Variants in ELF1 observed in about 807,000 individuals in gnomAD.
ELF1 encodes E74 like ETS transcription factor 1.
A neutral mutation model predicts 59.9 loss-of-function variants in ELF1; 24 were observed. The ratio of observed to expected loss-of-function variants is 0.40; its 90% CI spans 0.29 to 0.56. ELF1 has a LOEUF of 0.56. ELF1 is among the 20% of genes least tolerant of loss of function. The pLI is 0.44. For synonymous variants in ELF1, 248 were observed against 266.2 expected, an observed-to-expected ratio of 0.93 and a Z score of 0.67; for missense variants, 627 against 742.2, an observed-to-expected ratio of 0.84 and a Z score of 1.80.
At chr13:41,051,791 T>C (rs567883629) in intron 1 of ELF1, among the ~76,000 whole-genome samples, 2 of 152,240 alleles carry the variant, frequency 1.3e-5, no homozygotes, top group South Asian at 2.1e-4. Flanking sequence ...AAGTCAAAGG[T>C]GTGTATTCAA....
chr13:40,969,689 C>T (rs747142468), intron 2 of ELF1, among the ~76,000 whole-genome samples: 3 of 152,038 alleles, frequency 2.0e-5, no homozygotes, highest in Non-Finnish European at 2.9e-5. Context: ...CTCTCTGAAC[C>T]GAAACTGTTT....
chr13:41,054,541 G>A (rs982016502), intron 1 of ELF1, among the ~76,000 whole-genome samples: 3 of 152,200 alleles, frequency 2.0e-5, no homozygotes, highest in Non-Finnish European at 4.4e-5. Context: ...CTGCCAGTCC[G>A]CTGCAATAAA....
intron 1 of ELF1, among the ~76,000 whole-genome samples, chr13:40,988,708 G>A (rs1873682987): frequency 6.6e-6 from 1 of 152,106 alleles, no homozygotes; most frequent in South Asian, 2.1e-4. Flanking sequence ...AAAGTAAAAA[G>A]GAAACATGTA....
intron 1 of ELF1, among the ~76,000 whole-genome samples, chr13:41,008,279 C>A (rs1874862495): frequency 6.6e-6 from 1 of 152,052 alleles, no homozygotes; most frequent in African/African-American, 2.4e-5. Flanking sequence ...CTTAAAAGAA[C>A]TAATTATTAT....
chr13:40,975,962 T>A (rs1035668418), intron 2 of ELF1, among the ~76,000 whole-genome samples: 1 of 152,036 alleles, frequency 6.6e-6, no homozygotes, highest in Non-Finnish European at 1.5e-5. Context: ...TTTGAAAAAA[T>A]TAGTAATGTG....
intron 1 of ELF1, among the ~76,000 whole-genome samples, chr13:41,060,198 C>A (rs868660773): frequency 6.6e-6 from 1 of 152,170 alleles, no homozygotes; most frequent in African/African-American, 2.4e-5. Context: ...GCGCGTCCCC[C>A]CGGGAGGGCG....
rs570708672 is a variant in ELF1 at position 41,060,331 on chromosome 13, AG to A, written c.-229+506del. The stretch of plus-strand genomic sequence containing the variant: ...GCAGGGGGGTCAGCCCGTCCTGCAT[AG>A]GAAGAGTCGCAAGAGCGGCTGAAGA... On this transcript the variant is annotated intron_variant, in intron 1 of 1. Transcript: ENST00000405737. Among the ~76,000 whole-genome samples the A allele has an allele frequency of 3.1e-3, 469 of 152,340 alleles. 4 individuals carry two copies. The highest frequency in any genetic ancestry group is 2.3e-3 in the Non-Finnish European group (155 of 68,028).
upstream of ELF1, among the ~76,000 whole-genome samples, chr13:41,023,206 A>G (rs1593400490): frequency 6.6e-6 from 1 of 152,250 alleles, no homozygotes; most frequent in Non-Finnish European, 1.5e-5. Context: ...ATTTATAAAA[A>G]GAATTTATTG....
intron 1 of ELF1, among the ~76,000 whole-genome samples, chr13:41,000,687 GTTTA>G (rs923981540): frequency 6.6e-6 from 1 of 151,882 alleles, no homozygotes; most frequent in African/African-American, 2.4e-5. Context: ...TCACAATAAG[GTTTA>G]TTTATATTAT....
intron 1 of ELF1, among the ~76,000 whole-genome samples, chr13:40,996,681 C>G (rs772615678): frequency 6.6e-6 from 1 of 152,040 alleles, no homozygotes; most frequent in Non-Finnish European, 1.5e-5. Context: ...AGGCTGATAA[C>G]GGGGAGGCTA....
chr13:40,975,380 G>T lies in ELF1; in HGVS notation c.72+6603C>A, dbSNP rs192092497. Reference sequence around the variant, plus strand: ...GTTCTATATGAATGTTAGTTTCTCTGATTTTTTTTTTGAAAAACAATTTTA... The same window carrying T: ...GTTCTATATGAATGTTAGTTTCTCTTATTTTTTTTTTGAAAAACAATTTTA... On this transcript the variant is annotated intron_variant, in intron 2 of 8. Transcript: ENST00000239882. Among the ~76,000 whole-genome samples, 863 of 152,116 alleles carry T rather than the reference G, an allele frequency of 5.7e-3. 10 individuals carry two copies. The highest frequency in any genetic ancestry group is 0.02 in the African/African-American group (831 of 41,492).
chr13:41,060,873 A>G, exon 1 of ELF1: 1 of 331,024 alleles, frequency 3.0e-6, no homozygotes, highest in Non-Finnish European at 5.9e-6. Flanking sequence ...CCTTCGCCGC[A>G]CCTCTCGCCA....
chr13:40,986,584 AT>A (rs1375650138), intron 1 of ELF1, among the ~76,000 whole-genome samples: 1 of 152,180 alleles, frequency 6.6e-6, no homozygotes, highest in Non-Finnish European at 1.5e-5. Context: ...CAAAACTGTA[AT>A]TCTATTCCAG....
chr13:41,023,413 C>T (rs1001268682), upstream of ELF1, among the ~76,000 whole-genome samples: 6 of 152,160 alleles, frequency 3.9e-5, no homozygotes, highest in African/African-American at 1.2e-4. Flanking sequence ...GAAAAGATCA[C>T]ACCATTAAAA....
intron 2 of ELF1, among the ~76,000 whole-genome samples, chr13:40,966,349 A>C (rs1231541245): frequency 6.6e-6 from 1 of 152,250 alleles, no homozygotes; most frequent in Non-Finnish European, 1.5e-5. Flanking sequence ...TTATAGATAA[A>C]TTTAGGATAT....
chr13:41,059,611 C>T (rs1054159978), intron 1 of ELF1, among the ~76,000 whole-genome samples: 15 of 152,190 alleles, frequency 9.9e-5, no homozygotes, highest in African/African-American at 2.9e-4. Flanking sequence ...CTTTTTCCTT[C>T]TTCGTTTGTT....
At chr13:41,013,209 G>A (rs570796530) in intron 1 of ELF1, among the ~76,000 whole-genome samples, 2 of 152,186 alleles carry the variant, frequency 1.3e-5, no homozygotes, top group African/African-American at 4.8e-5. Context: ...GAAAGATAAT[G>A]AAGAACTCTA....
rs138723106 is a variant in ELF1 at position 40,965,981 on chromosome 13, C to T, written c.73-6965G>A. 5.4e-4 allele frequency among the ~76,000 whole-genome samples: 83 copies of T among 152,334 alleles called. No individual in the cohort carries two copies. In the East Asian group the frequency reaches 0.014, roughly 25 times the overall value. ...TTGCATCCAGGCTTCAGGACCACCG[C>T]TCTGAAGAATGACAACATTCAAAAC... On this transcript the variant is annotated intron_variant, in intron 2 of 8. Transcript: ENST00000239882.
intron 2 of ELF1, among the ~76,000 whole-genome samples, chr13:40,978,890 A>C (rs1206186061): frequency 6.6e-6 from 1 of 151,632 alleles, no homozygotes; most frequent in African/African-American, 2.4e-5. Context: ...CGCAACTTTT[A>C]TTTTAGATTC....
Sources: allele counts gnomAD v4.1 joint callset (sites outside exome capture counted in the v4.1 genomes callset), GRCh38; gene constraint gnomAD v4.1.1; transcripts MANE v1.5; gene names NCBI Gene and HGNC (gene_info 2026-07-23, HGNC 2026-07-21).